FCHO2: variants seen among roughly 807,000 people sequenced by gnomAD.
FCHO2 encodes the protein F-BAR domain only protein 2.
Under a neutral mutation model 114.1 loss-of-function variants are expected in FCHO2, and 43 were observed. That is an observed-to-expected ratio of 0.38 (90% CI 0.30 to 0.49). The LOEUF (loss-of-function observed/expected upper bound fraction) is 0.49, where lower values mean the gene tolerates loss of function less well. Ranked by LOEUF, FCHO2 falls within the 20% of genes least tolerant of loss-of-function variation. The pLI, the probability that FCHO2 is intolerant of heterozygous loss-of-function variation, is 0.97. For synonymous variants in FCHO2, 293 were observed against 315.2 expected (o/e 0.93, Z 0.75); for missense variants, 807 against 950.4 (o/e 0.85, Z 1.98).
intron 8 of FCHO2, among the ~76,000 whole-genome samples, chr5:73,027,018 GTTTT>G (rs1369730233): frequency 9.3e-6 from 1 of 107,114 alleles, no homozygotes; most frequent in African/African-American, 3.4e-5. Flanking sequence ...TTGTTTGTTT[GTTTT>G]TTTTTTTTTT....
At chr5:72,966,771 C>T (rs1174967816) in intron 1 of FCHO2, among the ~76,000 whole-genome samples, 1 of 152,322 alleles carries the variant, frequency 6.6e-6, no homozygotes, top group East Asian at 1.9e-4. Flanking sequence ...TGGTATAACA[C>T]TTTCCAACAA....
chr5:72,996,842 G>C (rs546848467), intron 5 of FCHO2: 21 of 993,030 alleles, frequency 2.1e-5, no homozygotes, highest in South Asian at 1.7e-4. Context: ...CCCGGCAACG[G>C]GGGGCTGGCG....
At chr5:73,009,158 T>A (rs1233641107) in intron 6 of FCHO2, among the ~76,000 whole-genome samples, 1 of 152,222 alleles carries the variant, frequency 6.6e-6, no homozygotes, top group African/African-American at 2.4e-5. Context: ...TTTAGGTAGT[T>A]GTCTTAAATA....
intron 8 of FCHO2, among the ~76,000 whole-genome samples, chr5:73,018,080 TAAAG>T (rs997270371): frequency 5.3e-5 from 8 of 152,294 alleles, no homozygotes; most frequent in African/African-American, 1.2e-4. Context: ...TTTAGTGCAT[TAAAG>T]AAGTTAAAAT....
At chr5:73,051,194 A>C (rs2112834110) in intron 11 of FCHO2, 155 bp from the exon 12 acceptor site, 1 of 525,364 alleles carries the variant, frequency 1.9e-6, no homozygotes, top group East Asian at 3.8e-5. Context: ...TTAACTAAAA[A>C]GGTGTAATTT....
At chr5:72,977,728 C>T (rs1241600136) in intron 2 of FCHO2, among the ~76,000 whole-genome samples, 1 of 152,088 alleles carries the variant, frequency 6.6e-6, no homozygotes, top group Non-Finnish European at 1.5e-5. Context: ...CTTAGGTTTT[C>T]TTCTAGGGTT....
chr5:73,032,556 A>G (rs1188961731), intron 8 of FCHO2, among the ~76,000 whole-genome samples: 1 of 152,178 alleles, frequency 6.6e-6, no homozygotes, highest in African/African-American at 2.4e-5. Flanking sequence ...TTTCACATGT[A>G]TGAAGTCATC....
At chr5:73,080,999 A>G (rs1225422914) in intron 22 of FCHO2, among the ~76,000 whole-genome samples, 1 of 152,084 alleles carries the variant, frequency 6.6e-6, no homozygotes, top group Non-Finnish European at 1.5e-5. Flanking sequence ...AGTCCTAGCT[A>G]GTACAGAGGC....
intron 2 of FCHO2, among the ~76,000 whole-genome samples, chr5:72,988,650 A>G (rs1459825989): frequency 6.6e-6 from 1 of 152,240 alleles, no homozygotes; most frequent in Non-Finnish European, 1.5e-5. Context: ...AAATTAAGCC[A>G]TGAATGAAGT....
chr5:73,073,887 ACT>A (rs1742791686), intron 19 of FCHO2, among the ~76,000 whole-genome samples: 2 of 152,090 alleles, frequency 1.3e-5, no homozygotes, highest in East Asian at 1.9e-4. Flanking sequence ...ATTATAACAA[ACT>A]CTCATATATT....
intron 11 of FCHO2, among the ~76,000 whole-genome samples, chr5:73,046,189 C>T (rs367720319): frequency 2.0e-5 from 3 of 152,298 alleles, no homozygotes; most frequent in Admixed American, 6.5e-5. Context: ...CCTGAGCCTT[C>T]CAAGTAGCTA....
chr5:73,028,335 C>T (rs1756050420), intron 8 of FCHO2, among the ~76,000 whole-genome samples: 1 of 152,104 alleles, frequency 6.6e-6, no homozygotes, highest in South Asian at 2.1e-4. Flanking sequence ...GAAATTTAAG[C>T]GTACACTTAC....
At chr5:73,020,896 A>G in intron 8 of FCHO2, 1 of 1,203,308 alleles carries the variant, frequency 8.3e-7, no homozygotes, top group South Asian at 1.2e-5. Flanking sequence ...ACCACGGGAG[A>G]GCTTATCATC....
In FCHO2 at chr5:73,087,750, A is replaced by G. The variant is rs780426221; in HGVS notation, c.2407A>G (p.Thr803Ala). Residue 803 changes from threonine (T) to alanine (A), a missense_variant, in exon 25 of 26, where the codon ACT becomes GCT. Transcript: ENST00000430046. The stretch of plus-strand genomic sequence containing the variant: ...TTCCTTAATAAAGAAGCGGTTTGCT[A>G]CTGGTAAGTTAGGAGATTTCAAACT... ...RLSLIKKRFA[T>A]GRYLADC is the part of the protein sequence containing the mutation. 1.9e-6 allele frequency: 3 copies of G among 1,572,888 alleles called. No homozygotes were observed. The highest frequency in any genetic ancestry group is 4.5e-5 in the East Asian group (2 of 44,478).
chr5:73,048,231 A>G (rs909381368), intron 11 of FCHO2, among the ~76,000 whole-genome samples: 3 of 151,928 alleles, frequency 2.0e-5, no homozygotes, highest in Non-Finnish European at 2.9e-5. Flanking sequence ...GAGCAGATCA[A>G]CTGAGGCCAG....
chr5:73,011,913 A>G (rs79442489), intron 6 of FCHO2, among the ~76,000 whole-genome samples: 14 of 144,486 alleles, frequency 9.7e-5, no homozygotes, highest in African/African-American at 3.1e-4. Flanking sequence ...CCATCTCAGG[A>G]AAAAAAAAAA....
chr5:73,043,762 A>G (rs1001708325), intron 11 of FCHO2, among the ~76,000 whole-genome samples: 2 of 152,192 alleles, frequency 1.3e-5, no homozygotes, highest in Non-Finnish European at 2.9e-5. Context: ...TATATGTATT[A>G]TATTTATTTT....
rs143318549 is a variant in FCHO2, at chr5:73,037,063, G to A, written c.842-80G>A. 559 of 924,214 alleles carry A rather than the reference G, an allele frequency of 6.0e-4. 5 individuals carry two copies. In the East Asian group the frequency reaches 0.016, roughly 27 times the overall value. 57.3% of individuals were successfully genotyped at this position (924,214 alleles called of 1,614,324 possible). A position where few individuals can be genotyped will look rare whatever the true frequency, so the allele number is the denominator to read the frequency against. On this transcript the variant is annotated intron_variant, in intron 9 of 25. Transcript: ENST00000430046. ...GCAGTTATGAGCAAATTATGTGTGAGGATGCAAGATGTATCCATAAGTTTA... is the reference window on the plus strand; with the variant it reads ...GCAGTTATGAGCAAATTATGTGTGAAGATGCAAGATGTATCCATAAGTTTA...
rs190284288 is a variant in FCHO2 at position 72,990,742 on chromosome 5, G to A, written c.373G>A (p.Ala125Thr). The change falls in exon 5 of 26, where the codon GCT (alanine) becomes ACT (threonine). Residue 125 changes from alanine (A) to threonine (T), a missense_variant. By Grantham distance (58) the Ala-to-Thr change is moderately conservative. Transcript: ENST00000430046. ...TKEEVAGTLE[A>T]VQTIQSITQA... Reference sequence around the variant, plus strand: ...AGAAGAAGTTGCAGGAACTCTGGAAGCTGTCCAAACCATTCAGAGCATAAC... The same window carrying A: ...AGAAGAAGTTGCAGGAACTCTGGAAACTGTCCAAACCATTCAGAGCATAAC... 1 of 1,557,780 alleles carries A rather than the reference G, an allele frequency of 6.4e-7. No homozygotes were observed. Among genetic ancestry groups the A allele is most frequent in the Non-Finnish European group, 8.7e-7 (1 of 1,150,600 alleles).
Sources: allele counts gnomAD v4.1 joint callset (sites outside exome capture counted in the v4.1 genomes callset), GRCh38; gene constraint gnomAD v4.1.1; transcripts MANE v1.5; gene names NCBI Gene and HGNC (gene_info 2026-07-23, HGNC 2026-07-21).